PDGFRB: variants seen among roughly 807,000 people sequenced by gnomAD.
PDGFRB encodes platelet-derived growth factor receptor beta.
Under a neutral mutation model 120.2 loss-of-function variants are expected in PDGFRB, and 42 were observed. That is an observed-to-expected ratio of 0.35 (90% CI 0.27 to 0.45). The LOEUF (loss-of-function observed/expected upper bound fraction) is 0.45, where lower values mean the gene tolerates loss of function less well. PDGFRB is among the 20% of genes least tolerant of loss of function. The probability of loss-of-function intolerance (pLI) is 1.00; values close to 1 mark genes in which losing one functional copy is unlikely to be tolerated. For synonymous variants in PDGFRB, 586 were observed against 606.8 expected (o/e 0.97, Z 0.50); for missense variants, 1,149 against 1,476.3 (o/e 0.78, Z 3.63).
intron 4 of PDGFRB, 89 bp downstream of exon 4, chr5:150,134,661 G>A: frequency 8.4e-7 from 1 of 1,193,824 alleles, no homozygotes; most frequent in Non-Finnish European, 1.2e-6. Flanking sequence ...GGGAAGTGGA[G>A]TCCCACACTT....
intron 1 of PDGFRB, among the ~76,000 whole-genome samples, chr5:150,144,895 C>A (rs1421791366): frequency 6.6e-6 from 1 of 152,244 alleles, no homozygotes; most frequent in Admixed American, 6.5e-5. Flanking sequence ...CCCACCCACC[C>A]CGGCCCCATC....
chr5:150,144,858 C>T (rs1760877395), intron 1 of PDGFRB, among the ~76,000 whole-genome samples: 1 of 152,204 alleles, frequency 6.6e-6, no homozygotes, highest in Non-Finnish European at 1.5e-5. Flanking sequence ...ACCCCCAGGG[C>T]CCTGTGGATT....
At chr5:150,133,449 G>A (rs1013563512) in intron 6 of PDGFRB, 137 bp downstream of exon 6, 1 of 747,232 alleles carries the variant, frequency 1.3e-6, no homozygotes, top group Non-Finnish European at 2.3e-6. Context: ...CCGGGGCTGT[G>A]ACAGGCACTG....
intron 1 of PDGFRB, 100 bp downstream of exon 1, chr5:150,155,297 C>CCTT (rs1554111937): frequency 8.4e-6 from 1 of 119,544 alleles, no homozygotes; most frequent in Non-Finnish European, 1.6e-5. Flanking sequence ...AATATCTTCC[C>CCTT]TTTTTTTTTT....
rs369191106 is a variant in PDGFRB at position 150,120,067 on chromosome 5, G to A, written c.2643C>T (p.Thr881=). 17 of 1,608,990 alleles carry A rather than the reference G, an allele frequency of 1.1e-5. 1 individual carries two copies. The South Asian group carries it at 1.9e-4, about 18-fold the overall frequency. ...CGAAGGACCACACGTCGCTCAGGGT[G>A]GTGTAGAGGCTGTTGAAGATGCTCT... is the stretch of plus-strand genomic sequence containing the variant. ...APESIFNSLY[T]TLSDVWSFGI... Residue 881 remains threonine, a synonymous_variant, in exon 19 of 23, where the codon ACC becomes ACT. Coordinates refer to ENST00000261799, the MANE Select transcript of PDGFRB (RefSeq NM_002609.4). This position sits in a 1 kb window ranked among gnomAD's most constrained non-coding sequence, Gnocchi z 4.3.
In PDGFRB at chr5:150,120,887, C is replaced by T. The variant is rs112566969; in HGVS notation, c.2586+1G>A. 8 of 1,613,988 alleles carry T rather than the reference C, an allele frequency of 5.0e-6. No homozygotes were observed. Among genetic ancestry groups the T allele is most frequent in the Admixed American group, 3.3e-5 (2 of 60,020 alleles). ...CTGCAGGGGCCAGGGAAGGTACTCA[C>T]GCTGCCTTTGGAGATGTAATTCGAG... On this transcript the variant is annotated splice_donor_variant, in intron 18 of 22. Transcript: ENST00000261799. LOFTEE classifies it high-confidence loss of function. This position sits in a 1 kb window ranked among gnomAD's most constrained non-coding sequence, Gnocchi z 4.3.
intron 1 of PDGFRB, among the ~76,000 whole-genome samples, chr5:150,145,213 C>T (rs1760888609): frequency 1.3e-5 from 2 of 152,222 alleles, no homozygotes; most frequent in African/African-American, 4.8e-5. Context: ...ATTTTCTCTT[C>T]CTTGTGATTT....
chr5:150,135,432 T>G, intron 3 of PDGFRB, 123 bp downstream of exon 3: 2 of 722,442 alleles, frequency 2.8e-6, no homozygotes, highest in Non-Finnish European at 2.4e-6. Flanking sequence ...GCTGGTTCCA[T>G]GATTGTCTGC....
At chr5:150,126,376 C>A (rs1760292769) in intron 11 of PDGFRB, 144 bp downstream of exon 11, 1 of 654,522 alleles carries the variant, frequency 1.5e-6, no homozygotes, top group South Asian at 1.7e-5. Context: ...GCTGAGACAG[C>A]CAGCGTCACA....
Position 150,126,503 on chromosome 5 carries a change from GC to G in PDGFRB, c.1674+16del. 7.2e-7 allele frequency: 1 copy of G among 1,386,270 alleles called. No individual in the cohort carries two copies. Among genetic ancestry groups the G allele is most frequent in the Non-Finnish European group, 1.0e-6 (1 of 972,096 alleles). 85.9% of individuals were successfully genotyped at this position (1,386,270 alleles called of 1,614,324 possible). ...TGATGTGCCAGTCTTCACCCACTGGGCCAGGGAGGGGCTTACCTTCTGCCAA... is the reference window on the plus strand; with the variant it reads ...TGATGTGCCAGTCTTCACCCACTGGGCAGGGAGGGGCTTACCTTCTGCCAA... On this transcript the variant is annotated intron_variant, in intron 11 of 22. Coordinates refer to ENST00000261799, the MANE Select transcript of PDGFRB (RefSeq NM_002609.4).
In PDGFRB at chr5:150,121,195, C is replaced by G. The variant is rs1281206075; in HGVS notation, c.2463+9G>C. The G allele has an allele frequency of 2.1e-6, 3 of 1,446,770 alleles. No individual in the cohort carries two copies. The highest frequency in any genetic ancestry group is 1.7e-5 in the Admixed American group (1 of 59,766). 89.6% of individuals were successfully genotyped at this position (1,446,770 alleles called of 1,614,324 possible). ...AGCCCCCACTCTGCCCCACCAACACCACACGTACGTTCTTGGAGGCCAGAA... is the reference window on the plus strand; with the variant it reads ...AGCCCCCACTCTGCCCCACCAACACGACACGTACGTTCTTGGAGGCCAGAA... On this transcript the variant is annotated intron_variant, in intron 17 of 22. Coordinates refer to ENST00000261799, the MANE Select transcript of PDGFRB (RefSeq NM_002609.4). This position sits in a 1 kb window ranked among gnomAD's most constrained non-coding sequence, Gnocchi z 4.1.
chr5:150,129,700 A>T, intron 10 of PDGFRB, 57 bp downstream of exon 10: 1 of 1,424,148 alleles, frequency 7.0e-7, no homozygotes, highest in Non-Finnish European at 9.8e-7. Context: ...ATTACCAATT[A>T]GGCAGGATTA....
rs115895504 is a variant in PDGFRB at position 150,121,434 on chromosome 5, G to A, written c.2345-112C>T. The A allele has an allele frequency of 1.1e-3, 832 of 732,466 alleles. 2 individuals carry two copies. The highest frequency in any genetic ancestry group is 0.011 in the African/African-American group (639 of 57,774). The allele number at this position is 732,466 out of a possible 1,614,324, so 45.4% of individuals were successfully genotyped here. A position where few individuals can be genotyped will look rare whatever the true frequency, so the allele number is the denominator to read the frequency against. On this transcript the variant is annotated intron_variant, in intron 16 of 22. Transcript: ENST00000261799. The surrounding 1 kb of genome is among the most constrained non-coding windows in gnomAD (Gnocchi z 4.1). ...TGTCCAAGACAGGTGGCTACTGATCGTCTAGGTCTCCCCTAAAAGGAGAAT... is the reference window on the plus strand; with the variant it reads ...TGTCCAAGACAGGTGGCTACTGATCATCTAGGTCTCCCCTAAAAGGAGAAT...
Position 150,124,180 on chromosome 5 carries a change from G to A in PDGFRB, c.2023+70C>T. The A allele has an allele frequency of 3.9e-6, 4 of 1,024,640 alleles. No individual in the cohort carries two copies. The South Asian group carries it at 5.6e-5, about 14-fold the overall frequency. The allele number at this position is 1,024,640 out of a possible 1,614,324, so 63.5% of individuals were successfully genotyped here. On this transcript the variant is annotated intron_variant, in intron 14 of 22. Transcript: ENST00000261799. ...TGTGCTGTTGTGCAAGGCCTGAGGG[G>A]GGGGTAGGCGGGGCCTGGCCTTGGT...
intron 1 of PDGFRB, among the ~76,000 whole-genome samples, chr5:150,150,239 C>T (rs1231802586): frequency 2.0e-5 from 3 of 152,174 alleles, no homozygotes; most frequent in African/African-American, 7.2e-5. Flanking sequence ...AAGGCGAGCC[C>T]AGGTCCCAGG....
chr5:150,124,337 G>T lies in PDGFRB; in HGVS notation c.1936C>A (p.Gln646Lys), dbSNP rs2113895050. The T allele has an allele frequency of 6.2e-7, 1 of 1,614,108 alleles. No homozygotes were observed. Among genetic ancestry groups the T allele is most frequent in the East Asian group, 2.2e-5 (1 of 44,884 alleles). ...ATCTTCAGCTCCGACATAAGGGCTTGCTTCTCACTGCTGCGGGCTGTGGCT... is the reference window on the plus strand; with the variant it reads ...ATCTTCAGCTCCGACATAAGGGCTTTCTTCTCACTGCTGCGGGCTGTGGCT... ...LKSTARSSEKQALMSELKIMS... is the reference protein window; with the variant it reads ...LKSTARSSEKKALMSELKIMS... The change falls in exon 14 of 23, where the codon CAA (glutamine) becomes AAA (lysine). Residue 646 changes from glutamine to lysine, a missense_variant. Coordinates refer to ENST00000261799, the MANE Select transcript of PDGFRB (RefSeq NM_002609.4).
Position 150,140,575 on chromosome 5 carries a change from C to T in PDGFRB, c.-6-3522G>A, listed in dbSNP as rs79708211. Among the ~76,000 whole-genome samples the T allele has an allele frequency of 7.1e-3, 1,085 of 152,286 alleles. 15 individuals carry two copies. Among genetic ancestry groups the T allele is most frequent in the African/African-American group, 0.025 (1,057 of 41,554 alleles). On this transcript the variant is annotated intron_variant, in intron 1 of 22. Transcript: ENST00000261799. ...CTCCTCACGTGACTCAGAGGGACCC[C>T]TTAGGGGAGCAGAGTGAGGACCCCA...
At chr5:150,144,898 G>A (rs1466643042) in intron 1 of PDGFRB, among the ~76,000 whole-genome samples, 3 of 152,152 alleles carry the variant, frequency 2.0e-5, no homozygotes, top group Non-Finnish European at 2.9e-5. Context: ...ACCCACCCCG[G>A]CCCCATCTGG....
At chr5:150,127,845 A>AAC (rs1373577795) in intron 10 of PDGFRB, among the ~76,000 whole-genome samples, 1 of 148,382 alleles carries the variant, frequency 6.7e-6, no homozygotes, top group Admixed American at 7.1e-5. Flanking sequence ...AAAAAAAAAA[A>AAC]AAAAAAAAAA....
Sources: allele counts gnomAD v4.1 joint callset (sites outside exome capture counted in the v4.1 genomes callset), GRCh38; gene constraint gnomAD v4.1.1; non-coding constraint Gnocchi (gnomAD v3.1); transcripts MANE v1.5; gene names NCBI Gene and HGNC (gene_info 2026-07-23, HGNC 2026-07-21).